The following CNTN4 variants were observed in gnomAD, a reference collection of about 807,000 sequenced individuals.
The protein encoded by CNTN4 is contactin 4.
In CNTN4, 77 loss-of-function variants were observed where a neutral mutation model predicts 122.5. That is an observed-to-expected ratio of 0.63 (90% CI 0.52 to 0.76). The LOEUF (loss-of-function observed/expected upper bound fraction) is 0.76. Ranked by LOEUF, CNTN4 falls within the 30% of genes least tolerant of loss-of-function variation. The pLI is 0.00. For missense variants in CNTN4, 1,256 were observed against 1,259.1 expected, an observed-to-expected ratio of 1.00 and a Z score of 0.04; for synonymous variants, 512 against 447.0, an observed-to-expected ratio of 1.15 and a Z score of -1.83.
chr3:2,377,383 A>G (rs544079568), intron 3 of CNTN4, among the ~76,000 whole-genome samples: 5 of 152,312 alleles, frequency 3.3e-5, no homozygotes, highest in South Asian at 2.1e-4. Flanking sequence ...CATGCCTGCA[A>G]TCCTCAGTCA....
intron 3 of CNTN4, among the ~76,000 whole-genome samples, chr3:2,359,740 C>T (rs1263763292): frequency 1.3e-5 from 2 of 152,036 alleles, no homozygotes; most frequent in East Asian, 1.9e-4. Context: ...AGGGTTTCAT[C>T]GTCTTAGCCA....
chr3:2,733,853 C>A (rs1481227635), intron 4 of CNTN4, among the ~76,000 whole-genome samples: 1 of 151,820 alleles, frequency 6.6e-6, no homozygotes, highest in Admixed American at 6.6e-5. Context: ...TACTTTTATT[C>A]CATGATTTTA....
chr3:2,605,874 T>C (rs185843586), intron 4 of CNTN4, among the ~76,000 whole-genome samples: 106 of 152,324 alleles, frequency 7.0e-4, no homozygotes, highest in African/African-American at 2.4e-3. Context: ...ATAATTCGAA[T>C]AATAATTTTA....
intron 3 of CNTN4, among the ~76,000 whole-genome samples, chr3:2,460,266 G>A (rs2049157973): frequency 6.6e-6 from 1 of 152,032 alleles, no homozygotes; most frequent in Admixed American, 6.6e-5. Context: ...TGTTTTTCAG[G>A]TTTTCAATCA....
intron 3 of CNTN4, among the ~76,000 whole-genome samples, chr3:2,370,620 G>C (rs113267443): frequency 0.01 from 1,571 of 152,276 alleles, 30 homozygotes; most frequent in African/African-American, 0.034. Context: ...AAAGTGGTTT[G>C]TAGTTTATGG....
At chr3:2,331,134 G>T (rs945310324) in intron 2 of CNTN4, among the ~76,000 whole-genome samples, 1 of 152,138 alleles carries the variant, frequency 6.6e-6, no homozygotes, top group Non-Finnish European at 1.5e-5. Context: ...TTTCCCAATG[G>T]GAAGGACAGA....
intron 4 of CNTN4, among the ~76,000 whole-genome samples, chr3:2,711,938 T>C (rs2087175750): frequency 6.6e-6 from 1 of 152,242 alleles, no homozygotes; most frequent in South Asian, 2.1e-4. Context: ...GCAACAATTT[T>C]TTTAAAACTC....
At chr3:2,511,147 G>A (rs776000678) in intron 3 of CNTN4, among the ~76,000 whole-genome samples, 16 of 152,082 alleles carry the variant, frequency 1.1e-4, no homozygotes, top group African/African-American at 2.4e-4. Flanking sequence ...CAGACAAACC[G>A]AATCATAGGG....
intron 13 of CNTN4, among the ~76,000 whole-genome samples, chr3:2,967,086 C>T (rs569849504): frequency 6.6e-6 from 1 of 152,250 alleles, no homozygotes; most frequent in Admixed American, 6.5e-5. Context: ...AATCATTCTC[C>T]CTGAGCATTG....
At chr3:2,392,297 A>G (rs926429713) in intron 3 of CNTN4, among the ~76,000 whole-genome samples, 3 of 144,150 alleles carry the variant, frequency 2.1e-5, no homozygotes, top group Admixed American at 6.9e-5. Context: ...TTTTATGTAT[A>G]AAGTCACTTA....
At chr3:3,032,025 C>G (rs1351831384) in intron 16 of CNTN4, among the ~76,000 whole-genome samples, 1 of 152,086 alleles carries the variant, frequency 6.6e-6, no homozygotes, top group Non-Finnish European at 1.5e-5. Context: ...GTGGGAGTTA[C>G]CAACTTAAAC....
At chr3:2,461,863 A>G (rs937773725) in intron 3 of CNTN4, among the ~76,000 whole-genome samples, 3 of 152,194 alleles carry the variant, frequency 2.0e-5, no homozygotes, top group Admixed American at 2.0e-4. Context: ...TTAGGGTCAC[A>G]CAGCTGCCAA....
intron 2 of CNTN4, among the ~76,000 whole-genome samples, chr3:2,105,725 GC>G (rs2032387003): frequency 6.6e-6 from 1 of 152,250 alleles, no homozygotes; most frequent in African/African-American, 2.4e-5. Context: ...ATATCATTCT[GC>G]CCCTGGCCCC....
intron 14 of CNTN4, chr3:3,009,015 G>A (rs749582962): frequency 3.6e-4 from 351 of 985,222 alleles, no homozygotes; most frequent in Non-Finnish European, 4.0e-4. Context: ...TATGATCTGC[G>A]GGCTAGAGGA....
chr3:2,485,930 G>A (rs557952721), intron 3 of CNTN4, among the ~76,000 whole-genome samples: 1 of 152,308 alleles, frequency 6.6e-6, no homozygotes, highest in African/African-American at 2.4e-5. Context: ...CAGGCTGCCT[G>A]AGCCAGCAGT....
chr3:2,103,206 A>C (rs1171401508), intron 2 of CNTN4, among the ~76,000 whole-genome samples: 2 of 150,356 alleles, frequency 1.3e-5, no homozygotes. Context: ...CTTTTGCCTC[A>C]ATACTTTTCT....
chr3:2,932,885 C>A (rs1038863257), intron 13 of CNTN4, among the ~76,000 whole-genome samples: 2 of 152,022 alleles, frequency 1.3e-5, no homozygotes, highest in African/African-American at 4.8e-5. Flanking sequence ...GGCAGTGGCG[C>A]GATCTCGGCT....
chr3:2,825,364 C>T (rs1383703199), intron 7 of CNTN4, among the ~76,000 whole-genome samples: 4 of 152,072 alleles, frequency 2.6e-5, no homozygotes, highest in Non-Finnish European at 5.9e-5. Flanking sequence ...TCTGGGACTA[C>T]AGGCACATGC....
intron 2 of CNTN4, among the ~76,000 whole-genome samples, chr3:2,163,443 G>A (rs978356957): frequency 1.3e-5 from 2 of 152,088 alleles, no homozygotes; most frequent in African/African-American, 4.8e-5. Flanking sequence ...TTGGCTTAGG[G>A]AAAGAATTCA....
Sources: allele counts gnomAD v4.1 joint callset (sites outside exome capture counted in the v4.1 genomes callset), GRCh38; gene constraint gnomAD v4.1.1; transcripts MANE v1.5; gene names NCBI Gene and HGNC (gene_info 2026-07-23, HGNC 2026-07-21).